SLC2A13: variants seen among roughly 807,000 people sequenced by gnomAD.
SLC2A13 encodes the protein proton myo-inositol cotransporter.
SLC2A13 carries 32 observed loss-of-function variants against 64.4 expected under a neutral mutation model. The ratio of observed to expected loss-of-function variants is 0.50; its 90% CI spans 0.37 to 0.67. The LOEUF is 0.67. Among genes scored for constraint, SLC2A13 ranks in the 30% least tolerant of loss-of-function variants. SLC2A13 has a pLI of 0.00. For missense variants in SLC2A13, 743 were observed against 829.2 expected (o/e 0.90, Z 1.28); for synonymous variants, 338 against 327.1 (o/e 1.03, Z -0.36).
Position 40,106,073 on chromosome 12 carries a change from G to A in SLC2A13, c.-265C>T. 1 of 322,278 alleles carries A rather than the reference G, an allele frequency of 3.1e-6. No homozygotes were observed. Among genetic ancestry groups the A allele is most frequent in the South Asian group, 1.4e-4 (1 of 7,132 alleles). The allele number at this position is 322,278 out of a possible 1,614,324, so 20.0% of individuals were successfully genotyped here. A position where few individuals can be genotyped will look rare whatever the true frequency, so the allele number is the denominator to read the frequency against. On this transcript the variant is annotated 5_prime_UTR_variant, in exon 1 of 10. Transcript: ENST00000280871. ...CCCGCGCCTGCCGAGCTGGCGCTGCGGAGCGGGCGGGAGGCGGGACCGCGG... is the reference window on the plus strand; with the variant it reads ...CCCGCGCCTGCCGAGCTGGCGCTGCAGAGCGGGCGGGAGGCGGGACCGCGG...
At chr12:39,796,150 G>A (rs1189877496) in intron 7 of SLC2A13, among the ~76,000 whole-genome samples, 2 of 152,022 alleles carry the variant, frequency 1.3e-5, no homozygotes, top group Non-Finnish European at 1.5e-5. Flanking sequence ...TTTTGTAACT[G>A]GTACTAGACC....
intron 2 of SLC2A13, among the ~76,000 whole-genome samples, chr12:40,042,551 G>GTA (rs1457094480): frequency 6.6e-6 from 1 of 152,038 alleles, no homozygotes; most frequent in Non-Finnish European, 1.5e-5. Flanking sequence ...TATCTATGAA[G>GTA]TATATATATC....
At chr12:40,020,163 G>A (rs1472897807) in intron 3 of SLC2A13, among the ~76,000 whole-genome samples, 1 of 152,182 alleles carries the variant, frequency 6.6e-6, no homozygotes, top group Non-Finnish European at 1.5e-5. Flanking sequence ...AAGAAACTCT[G>A]AGAAGATCTC....
chr12:40,088,498 A>AT (rs1938659868), intron 1 of SLC2A13, among the ~76,000 whole-genome samples: 1 of 152,102 alleles, frequency 6.6e-6, no homozygotes, highest in South Asian at 2.1e-4. Flanking sequence ...GAAAGTAACC[A>AT]TTACCTCAAC....
intron 3 of SLC2A13, among the ~76,000 whole-genome samples, chr12:40,019,684 C>T (rs528242421): frequency 3.3e-5 from 5 of 152,230 alleles, no homozygotes; most frequent in African/African-American, 1.2e-4. Flanking sequence ...ACTAGTTGCC[C>T]CTCCCCTTTA....
At chr12:39,993,949 TTAA>T (rs1350103911) in intron 3 of SLC2A13, among the ~76,000 whole-genome samples, 2 of 152,186 alleles carry the variant, frequency 1.3e-5, no homozygotes, top group African/African-American at 4.8e-5. Context: ...ACAGATTTGT[TTAA>T]TAATAATAAT....
At chr12:39,823,654 G>A (rs368112933) in intron 7 of SLC2A13, among the ~76,000 whole-genome samples, 2 of 152,026 alleles carry the variant, frequency 1.3e-5, no homozygotes, top group African/African-American at 4.8e-5. Context: ...CTGCTATGTT[G>A]CCCAGGCTGG....
intron 2 of SLC2A13, among the ~76,000 whole-genome samples, chr12:40,032,905 GTGA>G (rs1947925818): frequency 6.6e-6 from 1 of 152,152 alleles, no homozygotes; most frequent in South Asian, 2.1e-4. Flanking sequence ...TTCCAGAGGT[GTGA>G]TGATTATGTT....
intron 3 of SLC2A13, among the ~76,000 whole-genome samples, chr12:39,984,755 A>C (rs570606156): frequency 6.6e-6 from 1 of 152,326 alleles, no homozygotes; most frequent in South Asian, 2.1e-4. Context: ...CTTGATGAAA[A>C]ATGGAGAATA....
chr12:39,781,443 A>G (rs1940979433), intron 7 of SLC2A13, among the ~76,000 whole-genome samples: 1 of 152,148 alleles, frequency 6.6e-6, no homozygotes, highest in African/African-American at 2.4e-5. Context: ...CATTGTCACC[A>G]CTATGCCCCA....
At chr12:39,963,549 A>G (rs1411119137) in intron 3 of SLC2A13, among the ~76,000 whole-genome samples, 4 of 152,090 alleles carry the variant, frequency 2.6e-5, no homozygotes, top group African/African-American at 9.7e-5. Context: ...ATCAAGTTCA[A>G]TCAAGATATG....
At chr12:39,773,170 T>G (rs1403339732) in intron 7 of SLC2A13, among the ~76,000 whole-genome samples, 2 of 152,198 alleles carry the variant, frequency 1.3e-5, no homozygotes, top group Admixed American at 1.3e-4. Flanking sequence ...CTCTTGGATG[T>G]GGCACCTTTT....
In SLC2A13 at chr12:39,978,596, A is replaced by C. The variant is rs112032324; in HGVS notation, c.926-27231T>G. Among the ~76,000 whole-genome samples the C allele has an allele frequency of 9.2e-5, 14 of 152,294 alleles. 1 individual carries two copies. Among genetic ancestry groups the C allele is most frequent in the African/African-American group, 3.1e-4 (13 of 41,576 alleles). ...TGGAAAATCGGGTCACTCCCACCCG[A>C]ATATGGCGCTTTTCAGACTGGCTTA... On this transcript the variant is annotated intron_variant, in intron 3 of 9. Coordinates refer to ENST00000280871, the MANE Select transcript of SLC2A13 (RefSeq NM_052885.4).
chr12:39,909,196 T>G (rs951742295), intron 4 of SLC2A13, among the ~76,000 whole-genome samples: 1 of 152,092 alleles, frequency 6.6e-6, no homozygotes, highest in Non-Finnish European at 1.5e-5. Context: ...ATTTTTCTAT[T>G]ATACACTGTT....
intron 6 of SLC2A13, chr12:39,830,606 T>G (rs1487319809): frequency 5.3e-6 from 2 of 374,112 alleles, no homozygotes; most frequent in Non-Finnish European, 7.5e-6. Context: ...CCAAGTTGCA[T>G]CAAAGCATTC....
intron 3 of SLC2A13, among the ~76,000 whole-genome samples, chr12:39,973,135 C>G (rs1237134561): frequency 1.3e-5 from 2 of 152,204 alleles, no homozygotes; most frequent in Admixed American, 6.5e-5. Context: ...GTCTCCTCAA[C>G]TCCATTCTAA....
At chr12:40,015,570 C>T in intron 3 of SLC2A13, among the ~76,000 whole-genome samples, 1 of 152,114 alleles carries the variant, frequency 6.6e-6, no homozygotes, top group East Asian at 1.9e-4. Flanking sequence ...CAGAGGGCAC[C>T]TCATCAAAAG....
chr12:39,880,582 A>G (rs2135957346), intron 4 of SLC2A13, among the ~76,000 whole-genome samples: 1 of 152,360 alleles, frequency 6.6e-6, no homozygotes, highest in South Asian at 2.1e-4. Flanking sequence ...CAGAAAGTTT[A>G]CTTATTAATC....
At chr12:39,767,262 C>A (rs1028047120) in intron 7 of SLC2A13, among the ~76,000 whole-genome samples, 5 of 151,614 alleles carry the variant, frequency 3.3e-5, no homozygotes. Context: ...CTTGAGTGAC[C>A]AGTGTCATTG....
Sources: allele counts gnomAD v4.1 joint callset (sites outside exome capture counted in the v4.1 genomes callset), GRCh38; gene constraint gnomAD v4.1.1; transcripts MANE v1.5; gene names NCBI Gene and HGNC (gene_info 2026-07-23, HGNC 2026-07-21).